Variants in SLC17A1 observed in about 807,000 individuals in gnomAD.
SLC17A1 encodes the protein sodium-dependent phosphate transport protein 1.
In SLC17A1, 51 loss-of-function variants were observed where a neutral mutation model predicts 53.5. The observed-to-expected ratio is 0.95, with a 90% confidence interval of 0.76 to 1.20. The LOEUF (loss-of-function observed/expected upper bound fraction) is 1.20. SLC17A1 is among the 50% of genes most tolerant of loss of function. SLC17A1 has a pLI of 0.00. For missense variants in SLC17A1, 538 were observed against 568.2 expected, an observed-to-expected ratio of 0.95 and a Z score of 0.54; for synonymous variants, 179 against 198.8, an observed-to-expected ratio of 0.90 and a Z score of 0.84.
At chr6:25,778,511 G>T (rs1763125419), downstream of SLC17A1, among the ~76,000 whole-genome samples, 1 of 152,064 alleles carries the variant, frequency 6.6e-6, no homozygotes, top group Non-Finnish European at 1.5e-5. Context: ...TGTTTCTCCT[G>T]TCATTCAATG....
At chr6:25,758,611 G>A in the SLC17A1 span, among the ~76,000 whole-genome samples, 1 of 152,064 alleles carries the variant, frequency 6.6e-6, no homozygotes, top group South Asian at 2.1e-4. Flanking sequence ...ATGATATTTT[G>A]TATTTCTCTG....
intron 6 of SLC17A1, among the ~76,000 whole-genome samples, chr6:25,817,288 T>C (rs565499373): frequency 1.1e-4 from 16 of 152,376 alleles, no homozygotes; most frequent in African/African-American, 3.8e-4. Flanking sequence ...TTCAACTTTA[T>C]TGGCAAGAAT....
chr6:25,831,722 G>A (rs1764956841), intron 1 of SLC17A1, among the ~76,000 whole-genome samples: 2 of 152,052 alleles, frequency 1.3e-5, no homozygotes, highest in African/African-American at 4.8e-5. Flanking sequence ...ACACATTACA[G>A]ACACAGCACA....
chr6:25,778,039 A>G (rs1453803406), downstream of SLC17A1: 22 of 1,589,094 alleles, frequency 1.4e-5, no homozygotes, highest in Non-Finnish European at 1.8e-5. Context: ...GTTCTGATGA[A>G]TATTCATAAA....
the SLC17A1 span, among the ~76,000 whole-genome samples, chr6:25,766,240 TAAGAA>T: frequency 6.6e-6 from 1 of 151,588 alleles, no homozygotes; most frequent in Non-Finnish European, 1.5e-5. Flanking sequence ...AAAAAACAAC[TAAGAA>T]ATGAAGAAAA....
chr6:25,750,560 C>T, the SLC17A1 span, among the ~76,000 whole-genome samples: 406 of 150,584 alleles, frequency 2.7e-3, 3 homozygotes, highest in Middle Eastern at 0.01. Flanking sequence ...AAGGTGGTAA[C>T]CATTCATAAA....
chr6:25,783,722 T>C (rs560018748), intron 12 of SLC17A1, among the ~76,000 whole-genome samples: 41 of 152,288 alleles, frequency 2.7e-4, no homozygotes, highest in Non-Finnish European at 4.6e-4. Flanking sequence ...CAAATTCCCA[T>C]TCTTTGTAAA....
chr6:25,815,491 G>A (rs566056926), intron 6 of SLC17A1, among the ~76,000 whole-genome samples: 7 of 152,052 alleles, frequency 4.6e-5, no homozygotes, highest in Non-Finnish European at 1.0e-4. Flanking sequence ...ATTTTTTAAA[G>A]CTTTCTCTTC....
In SLC17A1 at chr6:25,800,082, G is replaced by A. The variant is rs548764674; in HGVS notation, c.1269+808C>T. On this transcript the variant is annotated intron_variant, in intron 11 of 12. Coordinates refer to ENST00000244527, the MANE Select transcript of SLC17A1 (RefSeq NM_005074.5). The stretch of plus-strand genomic sequence containing the variant: ...TCTACACACTACCATTCCTTTGGTT[G>A]TAAGTGTTCCTACAAATAAAGTTTA... Among the ~76,000 whole-genome samples, 8 of 152,304 alleles carry A rather than the reference G, an allele frequency of 5.3e-5. No individual in the cohort carries two copies. In the South Asian group the frequency reaches 1.2e-3, roughly 24 times the overall value.
At chr6:25,756,744 A>T in the SLC17A1 span, among the ~76,000 whole-genome samples, 4 of 152,202 alleles carry the variant, frequency 2.6e-5, no homozygotes, top group Admixed American at 6.5e-5. Flanking sequence ...CATGCAGGAG[A>T]TGGAGCTATG....
the SLC17A1 span, among the ~76,000 whole-genome samples, chr6:25,767,460 T>C: frequency 1.3e-5 from 2 of 152,132 alleles, no homozygotes; most frequent in Non-Finnish European, 2.9e-5. Context: ...TCAGGCAAAA[T>C]TTGGGGGCCA....
the SLC17A1 span, chr6:25,727,398 G>GTTT: frequency 6.8e-6 from 6 of 888,110 alleles, no homozygotes; most frequent in Non-Finnish European, 7.9e-6. Context: ...TAACCGTAAG[G>GTTT]GTTTTTTTTT....
the SLC17A1 span, chr6:25,773,815 T>C: frequency 1.3e-6 from 1 of 761,824 alleles, no homozygotes; most frequent in South Asian, 2.1e-5. Flanking sequence ...AAATGCAATC[T>C]AGTTAATTTG....
At position 25,817,004 on chromosome 6, in the gene SLC17A1, C is replaced by T. The variant is rs540251937; in HGVS notation, c.616+2064G>A. ...CTGGGATTATAGGTGCCTGCCACCA[C>T]GCCCAGCTAATTTTTTGTATTTTTA... On this transcript the variant is annotated intron_variant, in intron 6 of 12. Transcript: ENST00000244527. Among the ~76,000 whole-genome samples the T allele has an allele frequency of 5.2e-4, 79 of 152,166 alleles. No homozygotes were observed. The South Asian group carries it at 0.015, about 29-fold the overall frequency.
intron 6 of SLC17A1, among the ~76,000 whole-genome samples, chr6:25,814,541 G>C (rs1764267493): frequency 6.6e-6 from 1 of 152,202 alleles, no homozygotes; most frequent in South Asian, 2.1e-4. Context: ...GCGAGGCTGG[G>C]GTGCTGGAAA....
chr6:25,826,312 T>C (rs1468505731), intron 3 of SLC17A1, 149 bp downstream of exon 3: 8 of 498,008 alleles, frequency 1.6e-5, no homozygotes, highest in Non-Finnish European at 2.7e-5. Context: ...TCATGGGACA[T>C]TTTATTTAGG....
chr6:25,770,022 C>A, the SLC17A1 span: 1 of 1,573,006 alleles, frequency 6.4e-7, no homozygotes, highest in South Asian at 1.1e-5. Context: ...TGAAAACTGT[C>A]AATCCTTCAA....
At chr6:25,753,237 C>T in the SLC17A1 span, among the ~76,000 whole-genome samples, 1 of 152,082 alleles carries the variant, frequency 6.6e-6, no homozygotes, top group African/African-American at 2.4e-5. Context: ...GTGTAAAGGC[C>T]TTGAACTTCA....
At chr6:25,763,143 T>G in the SLC17A1 span, among the ~76,000 whole-genome samples, 1 of 152,190 alleles carries the variant, frequency 6.6e-6, no homozygotes, top group Non-Finnish European at 1.5e-5. Flanking sequence ...AAGTGGAACT[T>G]CTATGGTCTT....
Sources: allele counts gnomAD v4.1 joint callset (sites outside exome capture counted in the v4.1 genomes callset), GRCh38; gene constraint gnomAD v4.1.1; transcripts MANE v1.5; gene names NCBI Gene and HGNC (gene_info 2026-07-23, HGNC 2026-07-21).